ITPR1: variants seen among roughly 807,000 people sequenced by gnomAD.
ITPR1 encodes the protein inositol 1,4,5-trisphosphate-gated calcium channel ITPR1.
ITPR1 carries 96 observed loss-of-function variants against 318.4 expected under a neutral mutation model. That is an observed-to-expected ratio of 0.30 (90% CI 0.26 to 0.36). The LOEUF (loss-of-function observed/expected upper bound fraction) is 0.36. Among genes scored for constraint, ITPR1 ranks in the 10% least tolerant of loss-of-function variants. The pLI, the probability that ITPR1 is intolerant of heterozygous loss-of-function variation, is 1.00. For synonymous variants in ITPR1, 1,312 were observed against 1,289.9 expected, an observed-to-expected ratio of 1.02 and a Z score of -0.37; for missense variants, 2,440 against 3,460.2, an observed-to-expected ratio of 0.71 and a Z score of 7.40.
chr3:4,656,860 A>G (rs765946697), intron 12 of ITPR1, among the ~76,000 whole-genome samples: 2 of 152,224 alleles, frequency 1.3e-5, no homozygotes, highest in Non-Finnish European at 2.9e-5. Context: ...TCCTGCAAGG[A>G]TGTTAGACAT....
At position 4,674,257 on chromosome 3, in the gene ITPR1, A is replaced by C; in HGVS notation, c.2512A>C (p.Met838Leu). Residue 838 changes from methionine (M) to leucine (L), a missense_variant, in exon 22 of 62, where the codon ATG becomes CTG. Coordinates refer to ENST00000649015, the MANE Select transcript of ITPR1 (RefSeq NM_001378452.1). Reference protein sequence around the residue: ...DEIKERFAQTMEFVEEYLRDV... With the variant: ...DEIKERFAQTLEFVEEYLRDV... ...AATTAAGGAGAGATTTGCTCAGACCATGGAGTTTGTGGAGGAGTATTTAAG... is the reference window on the plus strand; with the variant it reads ...AATTAAGGAGAGATTTGCTCAGACCCTGGAGTTTGTGGAGGAGTATTTAAG... 2 of 1,579,182 alleles carry C rather than the reference A, an allele frequency of 1.3e-6. No homozygotes were observed. Among genetic ancestry groups the C allele is most frequent in the Non-Finnish European group, 1.7e-6 (2 of 1,160,380 alleles).
chr3:4,819,490 G>T (rs2049538167), intron 60 of ITPR1, among the ~76,000 whole-genome samples: 1 of 152,200 alleles, frequency 6.6e-6, no homozygotes, highest in South Asian at 2.1e-4. Context: ...GCTGGCCCGG[G>T]AATCACCCTT....
chr3:4,681,624 A>AAGTATGTGT (rs548578427), intron 26 of ITPR1, among the ~76,000 whole-genome samples: 1 of 145,788 alleles, frequency 6.9e-6, no homozygotes, highest in African/African-American at 2.5e-5. Context: ...AGAGAGAGAA[A>AAGTATGTGT]GTGTGTGTGT....
chr3:4,672,211 C>G (rs1463230923), intron 20 of ITPR1, among the ~76,000 whole-genome samples: 1 of 152,174 alleles, frequency 6.6e-6, no homozygotes, highest in Non-Finnish European at 1.5e-5. Context: ...ATATTTTAAG[C>G]TTTACTAAGC....
intron 52 of ITPR1, among the ~76,000 whole-genome samples, chr3:4,794,590 T>G (rs1167308117): frequency 6.6e-6 from 1 of 152,208 alleles, no homozygotes; most frequent in African/African-American, 2.4e-5. Flanking sequence ...AGCCCTAGTC[T>G]GGGGCCCAGC....
intron 20 of ITPR1, chr3:4,671,896 A>T (rs1183506171): frequency 6.6e-6 from 1 of 152,156 alleles, no homozygotes; most frequent in Non-Finnish European, 1.5e-5. Flanking sequence ...GTAGTATTTT[A>T]TCTCTACTTA....
chr3:4,557,923 C>T (rs1211570303), intron 4 of ITPR1, among the ~76,000 whole-genome samples: 1 of 152,172 alleles, frequency 6.6e-6, no homozygotes, highest in African/African-American at 2.4e-5. Flanking sequence ...GTGAAACCCT[C>T]TAGTTATAAA....
chr3:4,610,356 T>C (rs529554622), intron 4 of ITPR1, among the ~76,000 whole-genome samples: 21 of 151,952 alleles, frequency 1.4e-4, no homozygotes, highest in Admixed American at 6.5e-4. Flanking sequence ...CACTTAATAA[T>C]TGTTTGAATG....
intron 54 of ITPR1, among the ~76,000 whole-genome samples, chr3:4,801,709 A>G (rs2048242566): frequency 6.6e-6 from 1 of 152,152 alleles, no homozygotes; most frequent in Non-Finnish European, 1.5e-5. Flanking sequence ...GGTTGTAGTG[A>G]GCTAAGATGG....
In ITPR1 at chr3:4,652,166, A is replaced by G; in HGVS notation, c.899A>G (p.Asn300Ser). 6.2e-7 allele frequency: 1 copy of G among 1,613,186 alleles called. No individual in the cohort carries two copies. Among genetic ancestry groups the G allele is most frequent in the Non-Finnish European group, 8.5e-7 (1 of 1,179,672 alleles). Reference protein sequence around the residue: ...DPCRGGAGYWNSLFRFKHLAT... With the variant: ...DPCRGGAGYWSSLFRFKHLAT... ...TGTCGGGGCGGAGCAGGGTATTGGA[A>G]CAGCCTTTTCCGTTTCAAGCATCTG... Residue 300 changes from asparagine (N) to serine (S), a missense_variant, in exon 11 of 62, where the codon AAC becomes AGC. By Grantham distance (46) the Asn-to-Ser change is conservative. Transcript: ENST00000649015.
At chr3:4,658,081 T>C in intron 12 of ITPR1, 43 bp from the exon 13 acceptor site, 1 of 1,553,908 alleles carries the variant, frequency 6.4e-7, no homozygotes, top group Non-Finnish European at 8.8e-7. Flanking sequence ...AAGTGAAGGC[T>C]TTGGCATGCA....
At chr3:4,581,468 C>G (rs2089330900) in intron 4 of ITPR1, among the ~76,000 whole-genome samples, 1 of 152,168 alleles carries the variant, frequency 6.6e-6, no homozygotes, top group Admixed American at 6.5e-5. Context: ...GCCATATTCT[C>G]CACGAGCCTC....
intron 53 of ITPR1, among the ~76,000 whole-genome samples, chr3:4,796,721 T>TGAA: frequency 6.6e-6 from 1 of 152,202 alleles, no homozygotes; most frequent in South Asian, 2.1e-4. Context: ...AGTGCCTTTC[T>TGAA]TAGACTTAGG....
At chr3:4,529,932 A>G (rs561959276) in intron 4 of ITPR1, among the ~76,000 whole-genome samples, 3 of 152,318 alleles carry the variant, frequency 2.0e-5, no homozygotes, top group African/African-American at 7.2e-5. Flanking sequence ...CTGGTCCAAG[A>G]TCACGTAGCT....
Position 4,663,124 on chromosome 3 carries a change from G to T in ITPR1, c.1472G>T (p.Gly491Val). 6.2e-7 allele frequency: 1 copy of T among 1,613,754 alleles called. No individual in the cohort carries two copies. Among genetic ancestry groups the T allele is most frequent in the Non-Finnish European group, 8.5e-7 (1 of 1,179,750 alleles). ...VYFVTGGTNS[G>V]QDVLEVVFSK... ...TTCGTCACTGGTGGAACTAATTCTG[G>T]TCAAGATGTTCTCGAAGTTGTCTTC... Residue 491 changes from glycine to valine, a missense_variant, in exon 16 of 62, where the codon GGT (glycine) becomes GTT (valine). Gly to Val is a moderately radical substitution (Grantham distance 109). This residue lies in a region of ITPR1 where 478 missense variants were observed against 696.3 expected (regional missense o/e 0.69). Transcript: ENST00000649015.
At chr3:4,796,852 A>T (rs879481923) in intron 53 of ITPR1, among the ~76,000 whole-genome samples, 5 of 152,186 alleles carry the variant, frequency 3.3e-5, no homozygotes, top group African/African-American at 7.2e-5. Flanking sequence ...CATTAAGCCC[A>T]TGGTTAGAAA....
chr3:4,609,013 A>G (rs573359217), intron 4 of ITPR1, among the ~76,000 whole-genome samples: 2 of 128,768 alleles, frequency 1.6e-5, no homozygotes, highest in Non-Finnish European at 3.1e-5. Flanking sequence ...AAAAAAAAAA[A>G]AAAAAAAAAA....
chr3:4,777,463 T>C (rs528102373), intron 48 of ITPR1, 89 bp downstream of exon 48: 3 of 748,042 alleles, frequency 4.0e-6, no homozygotes, highest in African/African-American at 3.4e-5. Context: ...CAATTAGTCA[T>C]GAGAGTAAAT....
intron 4 of ITPR1, among the ~76,000 whole-genome samples, chr3:4,539,984 CAA>C (rs749264815): frequency 4.9e-4 from 46 of 94,412 alleles, no homozygotes; most frequent in Non-Finnish European, 7.3e-4. Context: ...GACTAAGATG[CAA>C]AAAAAAAAAA....
Sources: allele counts gnomAD v4.1 joint callset (sites outside exome capture counted in the v4.1 genomes callset), GRCh38; gene constraint gnomAD v4.1.1; regional missense constraint gnomAD v4.1.1; transcripts MANE v1.5; gene names NCBI Gene and HGNC (gene_info 2026-07-23, HGNC 2026-07-21).